Variants in GPC6 observed in about 807,000 individuals in gnomAD.
GPC6 encodes glypican 6.
In GPC6, 14 loss-of-function variants were observed where a neutral mutation model predicts 55.2. The observed-to-expected ratio is 0.25, with a 90% CI of 0.17 to 0.40. GPC6 has a LOEUF of 0.40. GPC6 is among the 10% of genes least tolerant of loss of function. The pLI, the probability that GPC6 is intolerant of heterozygous loss-of-function variation, is 1.00. For synonymous variants in GPC6, 278 were observed against 259.6 expected (o/e 1.07, Z -0.68); for missense variants, 641 against 708.5 (o/e 0.90, Z 1.08).
In GPC6 at chr13:93,393,107, G is replaced by GATATATATAT. The variant is rs374414019; in HGVS notation, c.161-152144_161-152135dup. Among the ~76,000 whole-genome samples, 238 of 114,716 alleles carry GATATATATAT rather than the reference G, an allele frequency of 2.1e-3. 2 individuals are homozygous for GATATATATAT. The highest frequency in any genetic ancestry group is 0.017 in the East Asian group (49 of 2,832). 75.3% of individuals were successfully genotyped at this position (114,716 alleles called of 152,430 possible). A position where few individuals can be genotyped will look rare whatever the true frequency, so the allele number is the denominator to read the frequency against. ...TATATAGAGAAAAATATGTATATTT[G>GATATATATAT]ATATATATATATATATATATAGAGA... is the stretch of plus-strand genomic sequence containing the variant. On this transcript the variant is annotated intron_variant, in intron 1 of 8. Coordinates refer to ENST00000377047, the MANE Select transcript of GPC6 (RefSeq NM_005708.5).
chr13:93,752,603 G>A (rs1294537427), intron 2 of GPC6, among the ~76,000 whole-genome samples: 1 of 152,112 alleles, frequency 6.6e-6, no homozygotes, highest in South Asian at 2.1e-4. Flanking sequence ...TTGATTACTT[G>A]GCTGTTGAGG....
chr13:94,055,709 CT>C (rs1884108388), intron 4 of GPC6, among the ~76,000 whole-genome samples: 1 of 152,148 alleles, frequency 6.6e-6, no homozygotes, highest in Admixed American at 6.6e-5. Context: ...TTTACTGATT[CT>C]CCAATAAGCC....
intron 1 of GPC6, among the ~76,000 whole-genome samples, chr13:93,235,806 G>C (rs1378890144): frequency 6.6e-6 from 1 of 150,886 alleles, no homozygotes; most frequent in Non-Finnish European, 1.5e-5. Context: ...TACATAGTCA[G>C]GGCAAGCCGT....
At chr13:93,510,149 G>C (rs1273232465) in intron 1 of GPC6, among the ~76,000 whole-genome samples, 1 of 152,006 alleles carries the variant, frequency 6.6e-6, no homozygotes, top group Non-Finnish European at 1.5e-5. Flanking sequence ...GTGAAATTTT[G>C]TTACATGTAA....
chr13:94,065,058 C>A (rs1884468563), intron 4 of GPC6, among the ~76,000 whole-genome samples: 1 of 151,994 alleles, frequency 6.6e-6, no homozygotes, highest in Non-Finnish European at 1.5e-5. Context: ...TAAGTGACAC[C>A]AATCTTTAGA....
At chr13:93,521,061 T>A (rs1881402001) in intron 1 of GPC6, among the ~76,000 whole-genome samples, 1 of 151,964 alleles carries the variant, frequency 6.6e-6, no homozygotes, top group African/African-American at 2.4e-5. Context: ...TATGTTAGAT[T>A]TTGTATTTAA....
At chr13:94,380,844 T>C (rs1880124689) in intron 6 of GPC6, among the ~76,000 whole-genome samples, 1 of 152,264 alleles carries the variant, frequency 6.6e-6, no homozygotes, top group South Asian at 2.1e-4. Context: ...TGCATTTGGC[T>C]ATCATGTCTC....
chr13:94,011,421 C>T (rs1041098567), intron 3 of GPC6, among the ~76,000 whole-genome samples: 2 of 152,068 alleles, frequency 1.3e-5, no homozygotes, highest in Non-Finnish European at 2.9e-5. Context: ...ATTTTTGTAT[C>T]AACCTTCTAC....
intron 4 of GPC6, among the ~76,000 whole-genome samples, chr13:94,079,640 G>A (rs1477779640): frequency 6.6e-6 from 1 of 152,118 alleles, no homozygotes; most frequent in Non-Finnish European, 1.5e-5. Context: ...TCCCATGGTT[G>A]TACATATGTG....
intron 2 of GPC6, among the ~76,000 whole-genome samples, chr13:93,768,052 T>G (rs183383103): frequency 6.7e-4 from 102 of 152,278 alleles, no homozygotes; most frequent in Middle Eastern, 3.4e-3. Flanking sequence ...GACCTCATGT[T>G]TTTTCACATA....
At chr13:94,343,875 C>T (rs999945381) in intron 6 of GPC6, among the ~76,000 whole-genome samples, 5 of 152,140 alleles carry the variant, frequency 3.3e-5, no homozygotes, top group Admixed American at 6.5e-5. Context: ...GGACTACAGA[C>T]GTGTGTCATC....
At chr13:94,317,717 T>A (rs1038779887) in intron 6 of GPC6, among the ~76,000 whole-genome samples, 3 of 152,244 alleles carry the variant, frequency 2.0e-5, no homozygotes, top group Admixed American at 1.3e-4. Context: ...TATAATCATT[T>A]TTTAAAGTTT....
chr13:94,032,238 T>G (rs1425695771), intron 4 of GPC6, among the ~76,000 whole-genome samples: 1 of 152,208 alleles, frequency 6.6e-6, no homozygotes, highest in Non-Finnish European at 1.5e-5. Flanking sequence ...TATACATTTT[T>G]TGCCCTTAGG....
chr13:94,277,035 C>G (rs960987734), intron 4 of GPC6, among the ~76,000 whole-genome samples: 1 of 152,190 alleles, frequency 6.6e-6, no homozygotes, highest in East Asian at 1.9e-4. Flanking sequence ...AACGGTTGAA[C>G]TAATTTACCT....
chr13:93,532,609 TC>T (rs942895621), intron 1 of GPC6, among the ~76,000 whole-genome samples: 1 of 152,164 alleles, frequency 6.6e-6, no homozygotes, highest in Non-Finnish European at 1.5e-5. Context: ...TGCTTTGCCT[TC>T]CCACACTGCC....
intron 2 of GPC6, among the ~76,000 whole-genome samples, chr13:93,820,113 T>G (rs1243384449): frequency 6.6e-6 from 1 of 152,230 alleles, no homozygotes; most frequent in Non-Finnish European, 1.5e-5. Flanking sequence ...AGTACTTTGG[T>G]GCAAGGTATT....
intron 2 of GPC6, among the ~76,000 whole-genome samples, chr13:93,651,004 A>G (rs1206456062): frequency 6.6e-6 from 1 of 152,182 alleles, no homozygotes; most frequent in Non-Finnish European, 1.5e-5. Context: ...TATATGTGAA[A>G]AACCAAAGAA....
At chr13:93,411,683 G>T (rs894061575) in intron 1 of GPC6, among the ~76,000 whole-genome samples, 3 of 151,980 alleles carry the variant, frequency 2.0e-5, no homozygotes, top group Admixed American at 1.3e-4. Context: ...ATTGACAAAG[G>T]TTCTATACAC....
chr13:93,541,280 G>T (rs1427157601), intron 1 of GPC6, among the ~76,000 whole-genome samples: 3 of 143,960 alleles, frequency 2.1e-5, no homozygotes, highest in East Asian at 2.1e-4. Context: ...GCGGCATTTG[G>T]TTTTTTTGTT....
Sources: allele counts gnomAD v4.1 joint callset (sites outside exome capture counted in the v4.1 genomes callset), GRCh38; gene constraint gnomAD v4.1.1; transcripts MANE v1.5; gene names NCBI Gene and HGNC (gene_info 2026-07-23, HGNC 2026-07-21).